The following SDK1 variants were observed in gnomAD, a reference collection of about 807,000 sequenced individuals.
The protein encoded by SDK1 is sidekick cell adhesion molecule 1, also known as protein sidekick-1.
Under a neutral mutation model 245.5 loss-of-function variants are expected in SDK1, and 157 were observed. That is an observed-to-expected ratio of 0.64 (90% confidence interval 0.56 to 0.73). SDK1 has a LOEUF of 0.73. Among genes scored for constraint, SDK1 ranks in the 30% least tolerant of loss-of-function variants. SDK1 has a pLI of 0.00. For synonymous variants in SDK1, 1,647 were observed against 1,278.5 expected (o/e 1.29, Z -6.15); for missense variants, 3,583 against 3,002.3 (o/e 1.19, Z -4.52).
At chr7:3,941,560 T>G (rs987159036) in intron 5 of SDK1, among the ~76,000 whole-genome samples, 2 of 152,140 alleles carry the variant, frequency 1.3e-5, no homozygotes, top group Non-Finnish European at 2.9e-5. Context: ...TTTCCTTCCA[T>G]TGTCTGACTG....
intron 1 of SDK1, among the ~76,000 whole-genome samples, chr7:3,463,194 A>G (rs1366664420): frequency 6.6e-6 from 1 of 152,174 alleles, no homozygotes; most frequent in Non-Finnish European, 1.5e-5. Context: ...CTTATTCTTC[A>G]TAGTCCTTTA....
intron 1 of SDK1, among the ~76,000 whole-genome samples, chr7:3,330,379 C>A (rs1780037879): frequency 6.6e-6 from 1 of 152,014 alleles, no homozygotes; most frequent in Non-Finnish European, 1.5e-5. Context: ...AAATGTGTTC[C>A]CTAAATTTTA....
chr7:3,866,175 T>C (rs887294445), intron 5 of SDK1, among the ~76,000 whole-genome samples: 4 of 152,254 alleles, frequency 2.6e-5, no homozygotes, highest in African/African-American at 9.6e-5. Flanking sequence ...AACCACCATA[T>C]TGAGCCTTAC....
chr7:4,168,668 C>A (rs1008764719), intron 32 of SDK1, among the ~76,000 whole-genome samples: 1 of 152,212 alleles, frequency 6.6e-6, no homozygotes, highest in Non-Finnish European at 1.5e-5. Context: ...GCAGAGCTGG[C>A]TGAAGGCCTC....
chr7:3,690,803 G>A (rs1450210943), intron 4 of SDK1, among the ~76,000 whole-genome samples: 1 of 152,134 alleles, frequency 6.6e-6, no homozygotes, highest in Non-Finnish European at 1.5e-5. Flanking sequence ...CATATGACTT[G>A]TCTTTAGACA....
intron 4 of SDK1, among the ~76,000 whole-genome samples, chr7:3,674,640 G>A (rs542895562): frequency 1.3e-4 from 20 of 152,246 alleles, no homozygotes; most frequent in African/African-American, 4.6e-4. Context: ...CCATAAATAC[G>A]GACAAAGGGC....
chr7:3,824,186 A>C (rs1179733636), intron 5 of SDK1, among the ~76,000 whole-genome samples: 1 of 152,152 alleles, frequency 6.6e-6, no homozygotes, highest in Non-Finnish European at 1.5e-5. Context: ...TTATGAAATT[A>C]GATATTCTCA....
chr7:4,206,079 C>A, intron 36 of SDK1, 85 bp downstream of exon 36: 1 of 865,956 alleles, frequency 1.2e-6, no homozygotes, highest in Non-Finnish European at 1.8e-6. Flanking sequence ...TTGCCAGCAG[C>A]AGACCCCGCA....
chr7:3,681,407 C>T (rs1397090362), intron 4 of SDK1, among the ~76,000 whole-genome samples: 1 of 152,142 alleles, frequency 6.6e-6, no homozygotes, highest in African/African-American at 2.4e-5. Flanking sequence ...AACTGCTGCT[C>T]TGACCTTTCC....
chr7:3,670,120 C>A (rs571685389), intron 4 of SDK1, among the ~76,000 whole-genome samples: 1 of 152,214 alleles, frequency 6.6e-6, no homozygotes, highest in Non-Finnish European at 1.5e-5. Context: ...TTGGTCTCTA[C>A]CTTGTTTCCC....
intron 1 of SDK1, among the ~76,000 whole-genome samples, chr7:3,334,623 C>A (rs1780152835): frequency 6.6e-6 from 1 of 152,146 alleles, no homozygotes; most frequent in Non-Finnish European, 1.5e-5. Flanking sequence ...CACCATTCTT[C>A]ACTTACAATC....
intron 4 of SDK1, among the ~76,000 whole-genome samples, chr7:3,739,992 C>T (rs558323020): frequency 1.3e-5 from 2 of 152,278 alleles, no homozygotes; most frequent in Non-Finnish European, 2.9e-5. Flanking sequence ...GTATGTTTAG[C>T]CTCTGAAGTC....
chr7:3,655,527 C>T lies in SDK1; in HGVS notation c.713+13422C>T, dbSNP rs184138751. Among the ~76,000 whole-genome samples the T allele has an allele frequency of 7.4e-3, 838 of 113,612 alleles. 10 individuals are homozygous for T. The highest frequency in any genetic ancestry group is 0.011 in the Non-Finnish European group (643 of 57,822). The allele number at this position is 113,612 out of a possible 152,430, so 74.5% of individuals were successfully genotyped here. On this transcript the variant is annotated intron_variant, in intron 4 of 44. Coordinates refer to ENST00000404826, the MANE Select transcript of SDK1 (RefSeq NM_152744.4). ...TATGTATGTATGTATATAAAATGTG[C>T]TAGTAAATCATATCTTTCCTATGGC...
intron 4 of SDK1, among the ~76,000 whole-genome samples, chr7:3,680,041 C>T (rs1784051971): frequency 6.6e-6 from 1 of 152,046 alleles, no homozygotes; most frequent in South Asian, 2.1e-4. Context: ...CTCAGATGTT[C>T]CTCAGTGGGT....
intron 42 of SDK1, among the ~76,000 whole-genome samples, chr7:4,238,369 G>A (rs551256378): frequency 6.6e-6 from 1 of 151,424 alleles, no homozygotes; most frequent in South Asian, 2.1e-4. Flanking sequence ...CGTGAGCCAC[G>A]GTGCCCAACC....
chr7:4,185,093 C>T (rs1415061492), intron 35 of SDK1, among the ~76,000 whole-genome samples: 1 of 152,206 alleles, frequency 6.6e-6, no homozygotes, highest in Non-Finnish European at 1.5e-5. Context: ...TCTACCTGGA[C>T]CACCTGGGCC....
At chr7:4,092,390 G>C (rs1317878276) in intron 22 of SDK1, among the ~76,000 whole-genome samples, 1 of 152,132 alleles carries the variant, frequency 6.6e-6, no homozygotes, top group African/African-American at 2.4e-5. Flanking sequence ...TGGGCTCCCT[G>C]GTCCAGGCAG....
At chr7:3,470,872 A>G (rs1781162839) in intron 1 of SDK1, among the ~76,000 whole-genome samples, 1 of 152,178 alleles carries the variant, frequency 6.6e-6, no homozygotes, top group Non-Finnish European at 1.5e-5. Flanking sequence ...CTCACCTTGT[A>G]TTATGTGCTT....
intron 4 of SDK1, among the ~76,000 whole-genome samples, chr7:3,765,352 T>A (rs1212340599): frequency 6.6e-6 from 1 of 152,200 alleles, no homozygotes; most frequent in East Asian, 1.9e-4. Context: ...GGAAATACAG[T>A]ATTTGCATCC....
Sources: allele counts gnomAD v4.1 joint callset (sites outside exome capture counted in the v4.1 genomes callset), GRCh38; gene constraint gnomAD v4.1.1; transcripts MANE v1.5; gene names NCBI Gene and HGNC (gene_info 2026-07-23, HGNC 2026-07-21).